Variants in TIAM2 observed in about 807,000 individuals in gnomAD.
The protein encoded by TIAM2 is rho guanine nucleotide exchange factor TIAM2.
A neutral mutation model predicts 152.9 loss-of-function variants in TIAM2; 80 were observed. The observed-to-expected ratio is 0.52, with a 90% CI of 0.44 to 0.63. The LOEUF (loss-of-function observed/expected upper bound fraction) is 0.63, where lower values mean the gene tolerates loss of function less well. TIAM2 is among the 30% of genes least tolerant of loss of function. The pLI is 0.00. For missense variants in TIAM2, 1,965 were observed against 2,120.1 expected (o/e 0.93, Z 1.44); for synonymous variants, 804 against 838.0 (o/e 0.96, Z 0.70).
chr6:155,035,226 ATTTTTT>A (rs34425957), intron 1 of TIAM2, among the ~76,000 whole-genome samples: 2 of 137,050 alleles, frequency 1.5e-5, no homozygotes, highest in African/African-American at 5.3e-5. Flanking sequence ...GTATCGTCCT[ATTTTTT>A]TTTTTTTTGA....
intron 1 of TIAM2, among the ~76,000 whole-genome samples, chr6:155,066,330 TATTTA>T (rs1777693566): frequency 6.6e-6 from 1 of 152,210 alleles, no homozygotes; most frequent in Non-Finnish European, 1.5e-5. Context: ...GGCTCTTGTG[TATTTA>T]CATTTTGTTT....
chr6:155,152,272 T>C (rs1015358612), intron 7 of TIAM2, among the ~76,000 whole-genome samples: 2 of 152,210 alleles, frequency 1.3e-5, no homozygotes, highest in African/African-American at 2.4e-5. Flanking sequence ...CCAAGAAGAA[T>C]GCAGGAGGTG....
intron 19 of TIAM2, 129 bp from the exon 20 acceptor site, chr6:155,247,871 G>A (rs1285577598): frequency 8.4e-6 from 10 of 1,195,206 alleles, no homozygotes; most frequent in African/African-American, 6.1e-5. Flanking sequence ...CTGATGTGTT[G>A]GGGTTTTCAT....
intron 15 of TIAM2, among the ~76,000 whole-genome samples, chr6:155,235,707 T>C (rs879830635): frequency 7.9e-5 from 12 of 152,242 alleles, no homozygotes; most frequent in Admixed American, 2.0e-4. Context: ...GGTGGCTTTC[T>C]AGCACTTGAA....
intron 1 of TIAM2, among the ~76,000 whole-genome samples, chr6:155,019,441 A>T (rs1234564868): frequency 6.6e-6 from 1 of 152,262 alleles, no homozygotes; most frequent in East Asian, 1.9e-4. Flanking sequence ...ACTTGTGTCC[A>T]GAGGATTATT....
intron 15 of TIAM2, among the ~76,000 whole-genome samples, chr6:155,212,743 C>T (rs1040034221): frequency 6.6e-6 from 1 of 152,174 alleles, no homozygotes; most frequent in Admixed American, 6.5e-5. Context: ...TACTGGCCTG[C>T]ATCCCATGCC....
At chr6:155,009,289 A>C (rs1054186059) in intron 1 of TIAM2, among the ~76,000 whole-genome samples, 3 of 151,208 alleles carry the variant, frequency 2.0e-5, no homozygotes, top group African/African-American at 7.3e-5. Flanking sequence ...TTTAGTAGAG[A>C]TAGAGCTTCA....
chr6:155,134,359 T>C (rs1779510806), intron 4 of TIAM2, among the ~76,000 whole-genome samples: 1 of 151,992 alleles, frequency 6.6e-6, no homozygotes, highest in African/African-American at 2.4e-5. Flanking sequence ...CATACCTATG[T>C]ATAAGAATAA....
chr6:155,100,396 CTG>C (rs201048802), intron 2 of TIAM2, among the ~76,000 whole-genome samples: 1,755 of 152,294 alleles, frequency 0.012, 40 homozygotes, highest in African/African-American at 0.039. Flanking sequence ...AGCAGAAACT[CTG>C]TGAAAATTTT....
intron 1 of TIAM2, among the ~76,000 whole-genome samples, chr6:155,067,923 T>G (rs1428207634): frequency 1.3e-5 from 2 of 152,174 alleles, no homozygotes; most frequent in African/African-American, 2.4e-5. Context: ...AATACAGGCG[T>G]GCATGACCAA....
intron 7 of TIAM2, among the ~76,000 whole-genome samples, chr6:155,157,452 CT>C (rs1237469585): frequency 1.3e-3 from 182 of 143,392 alleles, no homozygotes; most frequent in Admixed American, 1.3e-3. Context: ...CTTTTTCTTT[CT>C]TTTTTTTTTT....
chr6:155,029,629 C>CTATATATAGTTATATAACTATATATAGT (rs1562295391), intron 1 of TIAM2, among the ~76,000 whole-genome samples: 24 of 81,078 alleles, frequency 3.0e-4, no homozygotes, highest in African/African-American at 1.1e-3. Context: ...ATGTATATAA[C>CTATATATAGTTATATAACTATATATAGT]TATATATAGT....
intron 1 of TIAM2, among the ~76,000 whole-genome samples, chr6:155,038,446 G>T (rs1776961613): frequency 6.6e-6 from 1 of 152,166 alleles, no homozygotes. Context: ...CTTCTCTTGG[G>T]GCTAGTTGGA....
intron 1 of TIAM2, among the ~76,000 whole-genome samples, chr6:155,086,359 G>T (rs1287046962): frequency 6.6e-6 from 1 of 152,184 alleles, no homozygotes; most frequent in Non-Finnish European, 1.5e-5. Flanking sequence ...TGAAGTCAAT[G>T]TGCTCTAAGC....
intron 1 of TIAM2, among the ~76,000 whole-genome samples, chr6:155,003,414 A>T (rs2114838476): frequency 6.6e-6 from 1 of 152,018 alleles, no homozygotes; most frequent in African/African-American, 2.4e-5. Context: ...CGGGAGGCAG[A>T]GGTTGCAGTG....
intron 14 of TIAM2, among the ~76,000 whole-genome samples, chr6:155,208,019 C>T (rs1053231348): frequency 6.6e-6 from 1 of 152,072 alleles, no homozygotes; most frequent in African/African-American, 2.4e-5. Context: ...GCTCCTTATG[C>T]CCTTGCCACA....
At chr6:155,191,298 G>A (rs532573418) in intron 14 of TIAM2, among the ~76,000 whole-genome samples, 3 of 152,308 alleles carry the variant, frequency 2.0e-5, no homozygotes, top group African/African-American at 7.2e-5. Context: ...AGTGTAAAAT[G>A]GTCTAGGATT....
At chr6:155,024,483 T>C (rs1263811340) in intron 1 of TIAM2, among the ~76,000 whole-genome samples, 1 of 151,838 alleles carries the variant, frequency 6.6e-6, no homozygotes, top group East Asian at 1.9e-4. Flanking sequence ...GCAGATGGGG[T>C]AAGTTATCTT....
intron 2 of TIAM2, among the ~76,000 whole-genome samples, chr6:155,119,120 C>T (rs1266664487): frequency 2.0e-5 from 3 of 151,508 alleles, no homozygotes; most frequent in Non-Finnish European, 4.4e-5. Context: ...CTACAACCTC[C>T]GCCTCCTGGG....
Sources: allele counts gnomAD v4.1 joint callset (sites outside exome capture counted in the v4.1 genomes callset), GRCh38; gene constraint gnomAD v4.1.1; transcripts MANE v1.5; gene names NCBI Gene and HGNC (gene_info 2026-07-23, HGNC 2026-07-21).